SPRED2: variants seen among roughly 807,000 people sequenced by gnomAD.
SPRED2 encodes the protein sprouty-related, EVH1 domain-containing protein 2.
In SPRED2, 47 loss-of-function variants were observed where a neutral mutation model predicts 43.0. That is an observed-to-expected ratio of 1.09 (90% CI 0.87 to 1.40). SPRED2 has a LOEUF of 1.40. Among genes scored for constraint, SPRED2 ranks in the 40% most tolerant of loss-of-function variants. The probability of loss-of-function intolerance (pLI) is 0.00; values close to 1 mark genes in which losing one functional copy is unlikely to be tolerated. For synonymous variants in SPRED2, 225 were observed against 225.7 expected, an observed-to-expected ratio of 1.00 and a Z score of 0.03; for missense variants, 561 against 586.4, an observed-to-expected ratio of 0.96 and a Z score of 0.45.
At chr2:65,393,641 G>T (rs983440871) in intron 1 of SPRED2, among the ~76,000 whole-genome samples, 9 of 149,052 alleles carry the variant, frequency 6.0e-5, no homozygotes, top group African/African-American at 7.8e-5. Context: ...ATTATTTTTT[G>T]TTGTTGTTGT....
Position 65,313,065 on chromosome 2 carries a change from C to T in SPRED2, c.*436G>A. ...CTTGCTAGCGACAGGCAAGGTGAACCAAGAGAAAGAGAGTCTTCGACGCTC... is the reference window on the plus strand; with the variant it reads ...CTTGCTAGCGACAGGCAAGGTGAACTAAGAGAAAGAGAGTCTTCGACGCTC... On this transcript the variant is annotated 3_prime_UTR_variant, in exon 6 of 6. Coordinates refer to ENST00000356388, the MANE Select transcript of SPRED2 (RefSeq NM_181784.3). 5 of 988,220 alleles carry T rather than the reference C, an allele frequency of 5.1e-6. No homozygotes were observed. The highest frequency in any genetic ancestry group is 6.0e-6 in the Non-Finnish European group (5 of 832,038). The allele number at this position is 988,220 out of a possible 1,614,324, so 61.2% of individuals were successfully genotyped here.
chr2:65,320,233 A>G (rs1341827576), intron 4 of SPRED2, among the ~76,000 whole-genome samples: 2 of 152,226 alleles, frequency 1.3e-5, no homozygotes, highest in African/African-American at 4.8e-5. Context: ...ACATTGTAAT[A>G]AGCTCTCAGT....
intron 1 of SPRED2, among the ~76,000 whole-genome samples, chr2:65,345,286 G>T (rs1674321149): frequency 8.1e-6 from 1 of 122,700 alleles, no homozygotes. Context: ...TTTTTGAGAC[G>T]GAGTTTCGCT....
chr2:65,366,810 G>A lies in SPRED2; in HGVS notation c.27-21914C>T, dbSNP rs1674993244. On this transcript the variant is annotated intron_variant, in intron 1 of 5. Transcript: ENST00000356388. ...TCCGAGGGTTAGTCCGCATTTTATA[G>A]GCCTGTTGTGTCATTACTCACATTC... is the stretch of plus-strand genomic sequence containing the variant. The A allele has an allele frequency of 3.9e-6, 5 of 1,272,024 alleles. No homozygotes were observed. In the East Asian group the frequency reaches 1.2e-4, roughly 31 times the overall value. The allele number at this position is 1,272,024 out of a possible 1,614,324, so 78.8% of individuals were successfully genotyped here.
At chr2:65,310,773 G>A (rs1459647486), downstream of SPRED2, 1 of 712,944 alleles carries the variant, frequency 1.4e-6, no homozygotes, top group Non-Finnish European at 1.7e-6. Flanking sequence ...GTCCCATCCT[G>A]TATGCGGGAA....
intron 1 of SPRED2, among the ~76,000 whole-genome samples, chr2:65,397,902 T>G (rs561926987): frequency 7.2e-4 from 110 of 152,160 alleles, no homozygotes; most frequent in African/African-American, 2.5e-3. Flanking sequence ...AAAATTCACA[T>G]GCAATCAAAA....
chr2:65,401,935 GCGCACACACACACA>G (rs1021872720), intron 1 of SPRED2, among the ~76,000 whole-genome samples: 16 of 89,378 alleles, frequency 1.8e-4, no homozygotes, highest in African/African-American at 5.1e-4. Flanking sequence ...TAGCGCGCGC[GCGCACACACACACA>G]CACACACACA....
downstream of SPRED2, among the ~76,000 whole-genome samples, chr2:65,310,498 C>CAT (rs1553413611): frequency 2.1e-5 from 3 of 145,276 alleles, no homozygotes; most frequent in Non-Finnish European, 4.5e-5. Flanking sequence ...CACACACACA[C>CAT]ACACACATAT....
chr2:65,328,122 C>G (rs116658820), intron 4 of SPRED2, among the ~76,000 whole-genome samples: 2,758 of 152,272 alleles, frequency 0.018, 35 homozygotes, highest in Middle Eastern at 0.037. Flanking sequence ...CACCCCTTCC[C>G]TCCTCTGCCC....
At chr2:65,352,359 C>A (rs1674535873) in intron 1 of SPRED2, among the ~76,000 whole-genome samples, 1 of 152,210 alleles carries the variant, frequency 6.6e-6, no homozygotes, top group African/African-American at 2.4e-5. Flanking sequence ...ACAGGCTTCT[C>A]CACAGTTATT....
chr2:65,324,221 G>A (rs1379644042), intron 4 of SPRED2, among the ~76,000 whole-genome samples: 1 of 152,116 alleles, frequency 6.6e-6, no homozygotes, highest in Admixed American at 6.6e-5. Flanking sequence ...TACTTATTTT[G>A]AGAATTCAGA....
intron 1 of SPRED2, among the ~76,000 whole-genome samples, chr2:65,410,734 G>A (rs1676137945): frequency 6.7e-6 from 1 of 149,956 alleles, no homozygotes; most frequent in East Asian, 1.9e-4. Context: ...ACTTCATCCT[G>A]GGTGACAGAG....
chr2:65,373,525 C>T (rs1264991444), intron 1 of SPRED2, among the ~76,000 whole-genome samples: 1 of 152,198 alleles, frequency 6.6e-6, no homozygotes, highest in Non-Finnish European at 1.5e-5. Flanking sequence ...CAGCTAATGT[C>T]AATATTAGCT....
intron 3 of SPRED2, among the ~76,000 whole-genome samples, chr2:65,333,596 G>A (rs1427977373): frequency 6.6e-6 from 1 of 152,152 alleles, no homozygotes; most frequent in Non-Finnish European, 1.5e-5. Context: ...TATAGGAGCT[G>A]TTTTTTCTCT....
intron 1 of SPRED2, among the ~76,000 whole-genome samples, chr2:65,403,126 G>A (rs946462718): frequency 6.6e-6 from 1 of 152,200 alleles, no homozygotes; most frequent in Non-Finnish European, 1.5e-5. Flanking sequence ...ATGCTGAAAC[G>A]TCCAAGCTCA....
At chr2:65,424,726 G>C (rs1452980936) in intron 1 of SPRED2, among the ~76,000 whole-genome samples, 1 of 152,124 alleles carries the variant, frequency 6.6e-6, no homozygotes, top group Non-Finnish European at 1.5e-5. Flanking sequence ...CGAGACAGGA[G>C]GACTGCTTAA....
rs1668883035 is a variant in SPRED2 at position 65,432,118 on chromosome 2, G to A, written c.-131C>T. ...GGGAGGGGGGGCGGCTAGAGATGAA[G>A]AGGGCGCCGCAGCAGAAGGGGAAGC... On this transcript the variant is annotated 5_prime_UTR_variant, in exon 1 of 6. Transcript: ENST00000356388. 1 of 1,192,510 alleles carries A rather than the reference G, an allele frequency of 8.4e-7. No homozygotes were observed. The highest frequency in any genetic ancestry group is 1.9e-5 in the Admixed American group (1 of 51,384). 73.9% of individuals were successfully genotyped at this position (1,192,510 alleles called of 1,614,324 possible).
intron 1 of SPRED2, among the ~76,000 whole-genome samples, chr2:65,411,888 G>T (rs62141070): frequency 6.6e-6 from 1 of 151,982 alleles, no homozygotes; most frequent in Non-Finnish European, 1.5e-5. Context: ...CAGCACTTTG[G>T]GGGCCGAGGC....
At chr2:65,413,714 T>C (rs960306669) in intron 1 of SPRED2, among the ~76,000 whole-genome samples, 8 of 152,194 alleles carry the variant, frequency 5.3e-5, no homozygotes, top group African/African-American at 1.7e-4. Flanking sequence ...GCTCCCTTGA[T>C]TGGCATATTT....
Sources: gnomAD v4.1 joint callset for allele counts (sites outside exome capture counted in the v4.1 genomes callset) on GRCh38, gnomAD v4.1.1 for gene constraint, MANE v1.5 for transcripts, NCBI Gene and HGNC (gene_info 2026-07-23, HGNC 2026-07-21) for gene names.